Variants in CFAP61 observed in about 807,000 individuals in gnomAD.
CFAP61 encodes the protein cilia- and flagella-associated protein 61.
In CFAP61, 107 loss-of-function variants were observed where a neutral mutation model predicts 135.6. The observed-to-expected ratio is 0.79, with a 90% CI of 0.67 to 0.93. CFAP61 has a LOEUF of 0.93. CFAP61 is among the 40% of genes least tolerant of loss of function. The probability of loss-of-function intolerance (pLI) is 0.00; values close to 1 mark genes in which losing one functional copy is unlikely to be tolerated. For missense variants in CFAP61, 1,507 were observed against 1,556.2 expected (o/e 0.97, Z 0.53); for synonymous variants, 575 against 578.5 (o/e 0.99, Z 0.09).
At chr20:20,246,016 A>G in intron 18 of CFAP61, 101 bp from the exon 19 acceptor site, 1 of 717,360 alleles carries the variant, frequency 1.4e-6, no homozygotes, top group South Asian at 1.8e-5. Flanking sequence ...AAGCAATTCA[A>G]CAGTTGGATG....
chr20:20,070,975 C>T lies in CFAP61; in HGVS notation c.265C>T (p.Arg89Trp), dbSNP rs147290599. ...AKQDDWVSVF[R>W]ELDSDIPCTP... ...GCAGGATGACTGGGTGTCAGTGTTC[C>T]GGGAGCTCGACAGTGACATCCCATG... The change falls in exon 3 of 27, where the codon CGG becomes TGG. Residue 89 changes from arginine (R) to tryptophan (W), a missense_variant. Physicochemically the swap from Arg to Trp is moderately radical, Grantham distance 101 (BLOSUM62 -3). Transcript: ENST00000245957. The T allele has an allele frequency of 3.0e-5, 48 of 1,614,108 alleles. No homozygotes were observed. The highest frequency in any genetic ancestry group is 1.1e-4 in the South Asian group (10 of 91,080).
At position 20,298,307 on chromosome 20, in the gene CFAP61, C is replaced by T. The variant is rs115510668; in HGVS notation, c.3343C>T (p.Arg1115Cys). 52 of 1,614,102 alleles carry T rather than the reference C, an allele frequency of 3.2e-5. No homozygotes were observed. The East Asian group carries it at 7.8e-4, about 24-fold the overall frequency. ...REPFPASNYI[R>C]LFGQHEQLLN... ...GCCCTTCCCCGCCTCCAACTACATC[C>T]GCTTGTTTGGCCAGCACGAGCAACT... Residue 1115 changes from arginine to cysteine, a missense_variant, in exon 25 of 27, where the codon CGC becomes TGC. Arg to Cys is a radical substitution (Grantham distance 180, BLOSUM62 -3). Coordinates refer to ENST00000245957, the MANE Select transcript of CFAP61 (RefSeq NM_015585.4).
At chr20:20,285,091 C>A (rs1019662605) in intron 22 of CFAP61, among the ~76,000 whole-genome samples, 1 of 152,150 alleles carries the variant, frequency 6.6e-6, no homozygotes, top group East Asian at 1.9e-4. Context: ...TTTTTCCCAG[C>A]ACTTTGAAGA....
intron 25 of CFAP61, among the ~76,000 whole-genome samples, chr20:20,298,710 A>G (rs1158174075): frequency 1.3e-5 from 2 of 152,136 alleles, no homozygotes; most frequent in Non-Finnish European, 2.9e-5. Context: ...GTGGTCAGAA[A>G]TGTAGGAGGT....
At chr20:20,274,908 G>T (rs2053630616) in intron 21 of CFAP61, among the ~76,000 whole-genome samples, 1 of 152,124 alleles carries the variant, frequency 6.6e-6, no homozygotes, top group African/African-American at 2.4e-5. Context: ...AGTTTGAGAT[G>T]AAATCACTCA....
intron 8 of CFAP61, among the ~76,000 whole-genome samples, chr20:20,111,671 G>A (rs371326282): frequency 2.0e-5 from 3 of 152,152 alleles, no homozygotes; most frequent in East Asian, 1.9e-4. Flanking sequence ...AAGAGTTTTG[G>A]AACTCTGGAG....
At chr20:20,285,557 T>C (rs1031033682) in intron 22 of CFAP61, among the ~76,000 whole-genome samples, 1 of 152,162 alleles carries the variant, frequency 6.6e-6, no homozygotes, top group African/African-American at 2.4e-5. Context: ...TCACTGACTC[T>C]TTCCTCTATC....
At chr20:20,191,131 T>C (rs1197627312) in intron 14 of CFAP61, among the ~76,000 whole-genome samples, 1 of 151,696 alleles carries the variant, frequency 6.6e-6, no homozygotes, top group Non-Finnish European at 1.5e-5. Context: ...ATAATAATAA[T>C]AACAATAATA....
At chr20:20,134,805 G>A (rs1273569991) in intron 8 of CFAP61, among the ~76,000 whole-genome samples, 3 of 152,116 alleles carry the variant, frequency 2.0e-5, no homozygotes, top group Non-Finnish European at 4.4e-5. Flanking sequence ...TGCTGAGATG[G>A]TAACAATCAT....
At chr20:20,311,061 C>T (rs994113388) in intron 25 of CFAP61, among the ~76,000 whole-genome samples, 4 of 152,216 alleles carry the variant, frequency 2.6e-5, no homozygotes, top group Non-Finnish European at 4.4e-5. Context: ...TAGTCTTTCC[C>T]TTCCCGGCCT....
At chr20:20,191,897 A>G (rs1601306632) in intron 15 of CFAP61, among the ~76,000 whole-genome samples, 1 of 152,058 alleles carries the variant, frequency 6.6e-6, no homozygotes, top group East Asian at 1.9e-4. Flanking sequence ...TTTTGATTTT[A>G]AAATGCTGCT....
At chr20:20,065,252 G>A (rs8116658) in intron 2 of CFAP61, among the ~76,000 whole-genome samples, 2,519 of 152,100 alleles carry the variant, frequency 0.017, 67 homozygotes, top group African/African-American at 0.057. Context: ...CCAGCTTCCT[G>A]GTGAATGCCA....
chr20:20,115,222 C>G (rs1422340160), intron 8 of CFAP61, among the ~76,000 whole-genome samples: 3 of 151,954 alleles, frequency 2.0e-5, no homozygotes, highest in Admixed American at 2.0e-4. Flanking sequence ...TGAAGTCATG[C>G]TGGTCTCATA....
At chr20:20,114,123 A>G (rs1481103319) in intron 8 of CFAP61, among the ~76,000 whole-genome samples, 1 of 152,098 alleles carries the variant, frequency 6.6e-6, no homozygotes, top group Non-Finnish European at 1.5e-5. Flanking sequence ...GCAAAAAATT[A>G]GCCAGGCATG....
chr20:20,117,851 A>T (rs2049267473), intron 8 of CFAP61, among the ~76,000 whole-genome samples: 1 of 151,984 alleles, frequency 6.6e-6, no homozygotes, highest in South Asian at 2.1e-4. Context: ...TTTTATAGCT[A>T]TTGTAAATGG....
intron 21 of CFAP61, among the ~76,000 whole-genome samples, chr20:20,274,682 A>G (rs1333268512): frequency 6.6e-6 from 1 of 152,160 alleles, no homozygotes; most frequent in Non-Finnish European, 1.5e-5. Context: ...TGAAAATAAA[A>G]AAAAGGCAAG....
At position 20,322,469 on chromosome 20, in the gene CFAP61, C is replaced by T. The variant is rs554498337; in HGVS notation, c.3423-19362C>T. Among the ~76,000 whole-genome samples, 8 of 152,296 alleles carry T rather than the reference C, an allele frequency of 5.3e-5. No homozygotes were observed. The East Asian group carries it at 1.5e-3, about 29-fold the overall frequency. ...ATTTCTGAGCCTGATTTCACAGCAG[C>T]CTGTTGCCTATCTGGGTGCAGGAAA... is the stretch of plus-strand genomic sequence containing the variant. On this transcript the variant is annotated intron_variant, in intron 25 of 26. Transcript: ENST00000245957.
At chr20:20,085,899 C>T (rs7271851) in intron 6 of CFAP61, among the ~76,000 whole-genome samples, 1,781 of 152,316 alleles carry the variant, frequency 0.012, 32 homozygotes, top group African/African-American at 0.04. Context: ...CAGAGAAAAG[C>T]CACCACCTCT....
At chr20:20,191,175 C>T (rs796997771) in intron 14 of CFAP61, among the ~76,000 whole-genome samples, 167 bp from the exon 15 acceptor site, 21 of 151,718 alleles carry the variant, frequency 1.4e-4, no homozygotes, top group African/African-American at 4.4e-4. Context: ...TGTGAGGATC[C>T]GGTGGACATA....
Sources: gnomAD v4.1 joint callset for allele counts (sites outside exome capture counted in the v4.1 genomes callset) on GRCh38, gnomAD v4.1.1 for gene constraint, MANE v1.5 for transcripts, NCBI Gene and HGNC (gene_info 2026-07-23, HGNC 2026-07-21) for gene names.